The following GRAMD1A variants were observed in gnomAD, a reference collection of about 807,000 sequenced individuals.
GRAMD1A encodes GRAM domain containing 1A.
A neutral mutation model predicts 92.0 loss-of-function variants in GRAMD1A; 50 were observed. That is an observed-to-expected ratio of 0.54 (90% CI 0.43 to 0.69). The LOEUF is 0.69. Ranked by LOEUF, GRAMD1A falls within the 30% of genes least tolerant of loss-of-function variation. The probability of loss-of-function intolerance (pLI) is 0.00; values close to 1 mark genes in which losing one functional copy is unlikely to be tolerated. For synonymous variants in GRAMD1A, 405 were observed against 403.6 expected (o/e 1.00, Z -0.04); for missense variants, 819 against 978.9 (o/e 0.84, Z 2.18).
Position 35,013,501 on chromosome 19 carries a change from T to C in GRAMD1A, c.720-40T>C, listed in dbSNP as rs1169000748. ...AGGATTCAGGAGGGTGTATGGGGTC[T>C]CAAGGACACAGCAGTCCCGCTTCCT... On this transcript the variant is annotated intron_variant, in intron 8 of 19. Transcript: ENST00000317991. This position sits in a 1 kb window ranked among gnomAD's most constrained non-coding sequence, Gnocchi z 4.9. 2 of 1,582,034 alleles carry C rather than the reference T, an allele frequency of 1.3e-6. No homozygotes were observed. The highest frequency in any genetic ancestry group is 3.4e-5 in the Admixed American group (2 of 58,644).
chr19:35,018,134 C>T (rs1421680338), intron 11 of GRAMD1A, among the ~76,000 whole-genome samples: 1 of 151,958 alleles, frequency 6.6e-6, no homozygotes, highest in African/African-American at 2.4e-5. Flanking sequence ...ATTATAGGCG[C>T]CCACCGTCAC....
At chr19:35,022,939 TC>T in intron 17 of GRAMD1A, 28 bp downstream of exon 17, 1 of 1,178,154 alleles carries the variant, frequency 8.5e-7, no homozygotes, top group Non-Finnish European at 1.2e-6. Context: ...CCCCCTGCCC[TC>T]CCCTCCCTGC....
chr19:35,026,019 C>G lies in GRAMD1A; in HGVS notation c.2083-30C>G, dbSNP rs772907244. ...ATCACCCCCCAGCCTCCAGCGTTCA[C>G]CCCCGACCCTGCTCACCTCCTCCCC... On this transcript the variant is annotated intron_variant, in intron 19 of 19. Transcript: ENST00000317991. 12 of 1,205,992 alleles carry G rather than the reference C, an allele frequency of 1.0e-5. No homozygotes were observed. The African/African-American group carries it at 1.6e-4, about 16-fold the overall frequency. 74.7% of individuals were successfully genotyped at this position (1,205,992 alleles called of 1,614,324 possible).
Position 35,009,103 on chromosome 19 carries a change from C to T in GRAMD1A, c.9-16C>T. 1.3e-6 allele frequency: 2 copies of T among 1,580,992 alleles called. No individual in the cohort carries two copies. Among genetic ancestry groups the T allele is most frequent in the Non-Finnish European group, 1.7e-6 (2 of 1,150,432 alleles). On this transcript the variant is annotated splice_polypyrimidine_tract_variant and intron_variant, in intron 1 of 19. Transcript: ENST00000317991. ...TTTTTTCCAGTTAACACTTCTCTTC[C>T]TCTTCCTGCCCCCAGCACCACACCC...
intron 19 of GRAMD1A, chr19:35,023,813 C>A (rs929301287): frequency 8.1e-6 from 3 of 371,426 alleles, no homozygotes; most frequent in Non-Finnish European, 1.5e-5. Flanking sequence ...CACTCAATGG[C>A]AGTAAGAGTC....
At chr19:35,014,137 C>A (rs2015452466) in intron 9 of GRAMD1A, 52 bp from the exon 10 acceptor site, 1 of 1,519,144 alleles carries the variant, frequency 6.6e-7, no homozygotes, top group Non-Finnish European at 9.1e-7. Context: ...GACTTGGGAG[C>A]CCTGGGGCTG....
intron 16 of GRAMD1A, 47 bp downstream of exon 16, chr19:35,022,085 C>T (rs746156069): frequency 1.9e-5 from 27 of 1,414,078 alleles, no homozygotes; most frequent in Non-Finnish European, 2.6e-5. Flanking sequence ...GAACCTGCCT[C>T]CTGGCTGTGT....
rs1568313211 is a variant in GRAMD1A at position 35,000,442 on chromosome 19, T to TGCCCC, written c.-33_-32insCGCCC. The TGCCCC allele has an allele frequency of 8.0e-7, 1 of 1,245,158 alleles. No individual in the cohort carries two copies. Among genetic ancestry groups the TGCCCC allele is most frequent in the South Asian group, 3.0e-5 (1 of 33,122 alleles). 77.1% of individuals were successfully genotyped at this position (1,245,158 alleles called of 1,614,324 possible). A position where few individuals can be genotyped will look rare whatever the true frequency, so the allele number is the denominator to read the frequency against. On this transcript the variant is annotated 5_prime_UTR_variant, in exon 1 of 20. Coordinates refer to ENST00000317991, the MANE Select transcript of GRAMD1A (RefSeq NM_020895.5). The surrounding 1 kb of genome is among the most constrained non-coding windows in gnomAD (Gnocchi z 4.9). ...AGCCCAGCCCTGCCCTGCCCTGCCC[T>TGCCCC]GCCCTGCGCCCGGGGCGCGCCCACC...
chr19:35,013,464 T>C lies in GRAMD1A; in HGVS notation c.720-77T>C. On this transcript the variant is annotated intron_variant, in intron 8 of 19. Coordinates refer to ENST00000317991, the MANE Select transcript of GRAMD1A (RefSeq NM_020895.5). This position sits in a 1 kb window ranked among gnomAD's most constrained non-coding sequence, Gnocchi z 4.9. ...AGTGCTGGGGGGCCTGAGATGGTTGTATGACGTCTGGAGGATTCAGGAGGG... is the reference window on the plus strand; with the variant it reads ...AGTGCTGGGGGGCCTGAGATGGTTGCATGACGTCTGGAGGATTCAGGAGGG... 1 of 1,544,314 alleles carries C rather than the reference T, an allele frequency of 6.5e-7. No homozygotes were observed.
Position 35,013,102 on chromosome 19 carries a change from C to G in GRAMD1A, c.607-154C>G. On this transcript the variant is annotated intron_variant, in intron 7 of 19. Transcript: ENST00000317991. This position sits in a 1 kb window ranked among gnomAD's most constrained non-coding sequence, Gnocchi z 4.9. ...CTGGAGGGGCTGTAGCAGGGGATTC[C>G]CCGCTTGCTGAGGCCAGGTCTGGTG... The G allele has an allele frequency of 3.4e-6, 2 of 582,118 alleles. No individual in the cohort carries two copies. Among genetic ancestry groups the G allele is most frequent in the Non-Finnish European group, 6.2e-6 (2 of 322,450 alleles). The allele number at this position is 582,118 out of a possible 1,614,324, so 36.1% of individuals were successfully genotyped here.
intron 11 of GRAMD1A, among the ~76,000 whole-genome samples, chr19:35,016,607 C>T (rs1323456906): frequency 4.1e-5 from 3 of 72,372 alleles, no homozygotes; most frequent in African/African-American, 1.2e-4. Flanking sequence ...AAAACAGGGG[C>T]GGGGGGTGGG....
At chr19:35,011,419 T>C in intron 6 of GRAMD1A, 55 bp from the exon 7 acceptor site, 2 of 1,349,104 alleles carry the variant, frequency 1.5e-6, no homozygotes, top group South Asian at 2.3e-5. Flanking sequence ...TCCCCACCTC[T>C]GTCCTGGTCG....
intron 9 of GRAMD1A, 118 bp from the exon 10 acceptor site, chr19:35,014,071 C>G (rs765330722): frequency 1.1e-6 from 1 of 950,556 alleles, no homozygotes; most frequent in African/African-American, 1.6e-5. Context: ...CGTGAGCCCT[C>G]GGTGCACACA....
intron 1 of GRAMD1A, among the ~76,000 whole-genome samples, chr19:35,004,063 CA>C (rs1341039699): frequency 2.6e-5 from 4 of 152,106 alleles, no homozygotes; most frequent in African/African-American, 9.7e-5. Context: ...CCCATCACTA[CA>C]AAAAAACTTT....
At chr19:34,997,838 G>A (rs141966525), upstream of GRAMD1A, among the ~76,000 whole-genome samples, 2,539 of 151,952 alleles carry the variant, frequency 0.017, 71 homozygotes, top group African/African-American at 0.057. Flanking sequence ...AGGCCGAGGC[G>A]GGCAGATTAA....
At chr19:34,997,402 A>AG (rs1568311169), upstream of GRAMD1A, among the ~76,000 whole-genome samples, 3 of 151,306 alleles carry the variant, frequency 2.0e-5, no homozygotes, top group South Asian at 4.2e-4. Context: ...AAAAAAAAAA[A>AG]AAGAAGAAGA....
chr19:35,019,150 A>AC, intron 11 of GRAMD1A, 41 bp from the exon 12 acceptor site: 1 of 1,350,524 alleles, frequency 7.4e-7, no homozygotes, highest in Non-Finnish European at 1.1e-6. Context: ...TGGGCAAAGG[A>AC]CTGGGGTGTG....
Position 35,009,118 on chromosome 19 carries a change from G to A in GRAMD1A, c.9-1G>A, listed in dbSNP as rs111809260. The A allele has an allele frequency of 6.2e-7, 1 of 1,608,278 alleles. No homozygotes were observed. The highest frequency in any genetic ancestry group is 8.5e-7 in the Non-Finnish European group (1 of 1,174,878). On this transcript the variant is annotated splice_acceptor_variant, in intron 1 of 19. Transcript: ENST00000317991. LOFTEE classifies it high-confidence loss of function. ...ACTTCTCTTCCTCTTCCTGCCCCCA[G>A]CACCACACCCCACTCTGGCCGGAGC...
At chr19:34,998,945 G>A (rs996786393), upstream of GRAMD1A, among the ~76,000 whole-genome samples, 16 of 152,080 alleles carry the variant, frequency 1.1e-4, no homozygotes, top group African/African-American at 7.3e-5. Flanking sequence ...AGGAGCTGAA[G>A]TCAGAGAGCT....
Sources: gnomAD v4.1 joint callset for allele counts (sites outside exome capture counted in the v4.1 genomes callset) on GRCh38, gnomAD v4.1.1 for gene constraint, Gnocchi (gnomAD v3.1) non-coding constraint, MANE v1.5 for transcripts, NCBI Gene and HGNC (gene_info 2026-07-23, HGNC 2026-07-21) for gene names.